The following ATG4C variants were observed in gnomAD, a reference collection of about 807,000 sequenced individuals.
The protein encoded by ATG4C is cysteine protease ATG4C.
ATG4C carries 56 observed loss-of-function variants against 57.6 expected under a neutral mutation model. The observed-to-expected ratio is 0.97, with a 90% CI of 0.78 to 1.21. The LOEUF (loss-of-function observed/expected upper bound fraction) is 1.21, where lower values mean the gene tolerates loss of function less well. Among genes scored for constraint, ATG4C ranks in the 50% most tolerant of loss-of-function variants. ATG4C has a pLI of 0.00. For synonymous variants in ATG4C, 157 were observed against 174.1 expected, an observed-to-expected ratio of 0.90 and a Z score of 0.78; for missense variants, 595 against 529.8, an observed-to-expected ratio of 1.12 and a Z score of -1.21.
intron 6 of ATG4C, among the ~76,000 whole-genome samples, chr1:62,826,861 C>A (rs188488272): frequency 1.1e-3 from 166 of 151,616 alleles, no homozygotes; most frequent in African/African-American, 3.9e-3. Context: ...TCTGTCCTTG[C>A]AATAGTTTGC....
At chr1:62,817,618 A>T (rs145100424) in intron 4 of ATG4C, among the ~76,000 whole-genome samples, 2,215 of 152,280 alleles carry the variant, frequency 0.015, 52 homozygotes, top group African/African-American at 0.051. Context: ...AAATATTGGG[A>T]TTACAGGTGT....
intron 1 of ATG4C, among the ~76,000 whole-genome samples, chr1:62,795,492 T>G: frequency 6.6e-6 from 1 of 152,220 alleles, no homozygotes; most frequent in East Asian, 1.9e-4. Flanking sequence ...CCTCATCTGT[T>G]AGCTTTACCT....
At chr1:62,793,061 T>C (rs1419551184) in intron 1 of ATG4C, among the ~76,000 whole-genome samples, 2 of 151,718 alleles carry the variant, frequency 1.3e-5, no homozygotes, top group African/African-American at 4.8e-5. Context: ...TAATTTTTTG[T>C]ATTTTTAGTA....
intron 3 of ATG4C, among the ~76,000 whole-genome samples, chr1:62,807,257 G>T (rs1664912239): frequency 6.6e-6 from 1 of 152,090 alleles, no homozygotes; most frequent in South Asian, 2.1e-4. Flanking sequence ...AACGTCTTTT[G>T]TTCTTATGTT....
chr1:62,834,211 C>A, intron 8 of ATG4C, 95 bp downstream of exon 8: 1 of 1,114,854 alleles, frequency 9.0e-7, no homozygotes, highest in Non-Finnish European at 1.3e-6. Context: ...ATTAACAGAG[C>A]AAAACGAGTA....
At chr1:62,815,267 T>G (rs1665230278) in intron 3 of ATG4C, among the ~76,000 whole-genome samples, 2 of 152,228 alleles carry the variant, frequency 1.3e-5, no homozygotes, top group South Asian at 4.1e-4. Context: ...TTTGTTGTCT[T>G]ATTAGCTATA....
chr1:62,820,713 G>A (rs1460245843), intron 5 of ATG4C, among the ~76,000 whole-genome samples: 1 of 152,010 alleles, frequency 6.6e-6, no homozygotes, highest in Admixed American at 6.6e-5. Context: ...AAGTCATGCT[G>A]TTGTTTAAAG....
chr1:62,802,353 T>G (rs1176721215), intron 1 of ATG4C, among the ~76,000 whole-genome samples: 3 of 152,130 alleles, frequency 2.0e-5, no homozygotes, highest in Admixed American at 6.6e-5. Flanking sequence ...CCAGGATCTG[T>G]AACCTCTTGA....
At chr1:62,805,784 A>T (rs900536749) in intron 3 of ATG4C, among the ~76,000 whole-genome samples, 4 of 152,208 alleles carry the variant, frequency 2.6e-5, no homozygotes, top group Non-Finnish European at 4.4e-5. Flanking sequence ...AGATTCAGGT[A>T]TTCTCATCTT....
At chr1:62,856,540 T>C (rs1476170060) in intron 10 of ATG4C, among the ~76,000 whole-genome samples, 1 of 152,236 alleles carries the variant, frequency 6.6e-6, no homozygotes, top group East Asian at 1.9e-4. Flanking sequence ...ACTGGCATTT[T>C]ACAGCTAAGG....
At chr1:62,835,568 G>A (rs988492842) in intron 9 of ATG4C, 1 of 177,358 alleles carries the variant, frequency 5.6e-6, no homozygotes, top group African/African-American at 2.4e-5. Context: ...AGGACTTGAT[G>A]AGTTGCAAAT....
rs181497964 is a variant in ATG4C, at chr1:62,817,653, A to G, written c.394+845A>G. Among the ~76,000 whole-genome samples, 107 of 152,308 alleles carry G rather than the reference A, an allele frequency of 7.0e-4. 2 individuals are homozygous for G. The highest frequency in any genetic ancestry group is 2.5e-3 in the African/African-American group (104 of 41,576). On this transcript the variant is annotated intron_variant, in intron 4 of 10. Transcript: ENST00000317868. The stretch of plus-strand genomic sequence containing the variant: ...TGAGCCACTGTGCCTGGCACTAGAC[A>G]TATTCCTAATAAGGTAATCATGCAG...
In ATG4C at chr1:62,793,615, A is replaced by AC. The variant is rs1411977045; in HGVS notation, c.-69+9342_-69+9343insC. On this transcript the variant is annotated intron_variant, in intron 1 of 10. Coordinates refer to ENST00000317868, the MANE Select transcript of ATG4C (RefSeq NM_032852.4). The stretch of plus-strand genomic sequence containing the variant: ...TTGTCTCGAAAAAAAAAAAAAAAAA[A>AC]AAAAACCAAAAAAACAAACAAAAAA... Among the ~76,000 whole-genome samples, 6 of 148,376 alleles carry AC rather than the reference A, an allele frequency of 4.0e-5. No homozygotes were observed. The East Asian group carries it at 9.9e-4, about 24-fold the overall frequency.
intron 10 of ATG4C, among the ~76,000 whole-genome samples, chr1:62,845,860 C>T (rs1360046797): frequency 3.3e-5 from 5 of 152,064 alleles, no homozygotes; most frequent in African/African-American, 1.2e-4. Context: ...CACCACCACG[C>T]CTGGCTAATT....
chr1:62,833,087 G>A (rs1665891671), intron 7 of ATG4C, among the ~76,000 whole-genome samples: 1 of 152,068 alleles, frequency 6.6e-6, no homozygotes, highest in African/African-American at 2.4e-5. Context: ...GTATGTGTGT[G>A]TGTTCTGTAT....
intron 3 of ATG4C, among the ~76,000 whole-genome samples, chr1:62,808,730 G>A (rs1664963623): frequency 6.6e-6 from 1 of 152,116 alleles, no homozygotes; most frequent in African/African-American, 2.4e-5. Flanking sequence ...GTCTGGCAAT[G>A]AGAAATTACT....
intron 1 of ATG4C, among the ~76,000 whole-genome samples, chr1:62,789,008 C>T (rs560029316): frequency 6.6e-6 from 1 of 151,652 alleles, no homozygotes; most frequent in African/African-American, 2.4e-5. Context: ...TTTTATATTC[C>T]GAAAGTATGT....
intron 10 of ATG4C, among the ~76,000 whole-genome samples, chr1:62,861,184 G>C (rs1666839223): frequency 6.6e-6 from 1 of 152,152 alleles, no homozygotes. Context: ...GGTGAATTCA[G>C]TTACCTTAAA....
Position 62,829,193 on chromosome 1 carries a change from G to C in ATG4C, c.933+17G>C. ...TTTGTGAAGGTATGAAATAAGTGCTGAACTTTTTTAGGGCAATACTAGCTA... is the reference window on the plus strand; with the variant it reads ...TTTGTGAAGGTATGAAATAAGTGCTCAACTTTTTTAGGGCAATACTAGCTA... On this transcript the variant is annotated intron_variant, in intron 7 of 10. Coordinates refer to ENST00000317868, the MANE Select transcript of ATG4C (RefSeq NM_032852.4). 1 of 1,610,496 alleles carries C rather than the reference G, an allele frequency of 6.2e-7. No homozygotes were observed. Among genetic ancestry groups the C allele is most frequent in the Non-Finnish European group, 8.5e-7 (1 of 1,178,338 alleles).
Sources: gnomAD v4.1 joint callset for allele counts (sites outside exome capture counted in the v4.1 genomes callset) on GRCh38, gnomAD v4.1.1 for gene constraint, MANE v1.5 for transcripts, NCBI Gene and HGNC (gene_info 2026-07-23, HGNC 2026-07-21) for gene names.